Variants in HIVEP2 observed in about 807,000 individuals in gnomAD.
HIVEP2 encodes the protein HIVEP zinc finger 2, also known as transcription factor HIVEP2.
HIVEP2 carries 14 observed loss-of-function variants against 180.7 expected under a neutral mutation model. The ratio of observed to expected loss-of-function variants is 0.08; its 90% CI spans 0.05 to 0.12. The LOEUF is 0.12. HIVEP2 is among the 10% of genes least tolerant of loss of function. The pLI, the probability that HIVEP2 is intolerant of heterozygous loss-of-function variation, is 1.00. For missense variants in HIVEP2, 2,579 were observed against 3,008.5 expected (o/e 0.86, Z 3.34); for synonymous variants, 1,184 against 1,136.4 (o/e 1.04, Z -0.84).
intron 1 of HIVEP2, among the ~76,000 whole-genome samples, chr6:142,872,132 T>C (rs1306794962): frequency 1.3e-5 from 2 of 152,134 alleles, no homozygotes; most frequent in African/African-American, 4.8e-5. Flanking sequence ...TCAGTAACAA[T>C]GGGGACACTG....
At chr6:142,939,374 C>A (rs1778123201) in intron 1 of HIVEP2, among the ~76,000 whole-genome samples, 1 of 151,946 alleles carries the variant, frequency 6.6e-6, no homozygotes, top group Admixed American at 6.6e-5. Flanking sequence ...GAAACACACA[C>A]TTTATAGCAT....
chr6:142,911,533 T>C (rs560578807), intron 1 of HIVEP2, among the ~76,000 whole-genome samples: 1 of 152,324 alleles, frequency 6.6e-6, no homozygotes, highest in Non-Finnish European at 1.5e-5. Flanking sequence ...GAGGAGGTAT[T>C]GTTATCCCCA....
rs1459161244 is a variant in HIVEP2 at position 142,753,611 on chromosome 6, A to G, written c.6837T>C (p.Ser2279=). The change falls in exon 10 of 10, where the codon TCT becomes TCC. Residue 2279 remains serine, a synonymous_variant. Transcript: ENST00000367603. ...GAGGACCTCGCTTCTCATGCTGCTT[A>G]GAAAGCACATAGGGGTCCTTGGAGA... is the stretch of plus-strand genomic sequence containing the variant. ...ESFSKDPYVL[S]KQHEKRGPHA... 6.2e-6 allele frequency: 10 copies of G among 1,614,194 alleles called. No homozygotes were observed. Among genetic ancestry groups the G allele is most frequent in the Non-Finnish European group, 7.6e-6 (9 of 1,180,024 alleles).
At chr6:142,884,843 G>C (rs1284707618) in intron 1 of HIVEP2, among the ~76,000 whole-genome samples, 1 of 152,124 alleles carries the variant, frequency 6.6e-6, no homozygotes, top group Non-Finnish European at 1.5e-5. Flanking sequence ...GCAAGACAAT[G>C]AGAAAACATT....
chr6:142,776,645 C>T (rs769377731), intron 3 of HIVEP2, among the ~76,000 whole-genome samples: 3 of 152,020 alleles, frequency 2.0e-5, no homozygotes, highest in Non-Finnish European at 4.4e-5. Flanking sequence ...GATCCTCCCA[C>T]CTCAGGCTCC....
In HIVEP2 at chr6:142,769,911, G is replaced by A. The variant is rs1443329539; in HGVS notation, c.4828C>T (p.Arg1610Cys). The change falls in exon 5 of 10, where the codon CGC becomes TGC. Residue 1610 changes from arginine to cysteine, a missense_variant. Arg to Cys is a radical substitution (Grantham distance 180). This residue lies in a region of HIVEP2 where 349 missense variants were observed against 367.2 expected (regional missense o/e 0.95). Coordinates refer to ENST00000367603, the MANE Select transcript of HIVEP2 (RefSeq NM_006734.4). ...TTCCCGCTGGGGGCAGAGGCCATGCGGACCAGCATGCCAACAGGCCGCTTG... is the reference window on the plus strand; with the variant it reads ...TTCCCGCTGGGGGCAGAGGCCATGCAGACCAGCATGCCAACAGGCCGCTTG... ...GHKRPVGMLV[R>C]MASAPSGNVA... The A allele has an allele frequency of 8.1e-6, 13 of 1,613,908 alleles. No homozygotes were observed. The highest frequency in any genetic ancestry group is 2.7e-5 in the African/African-American group (2 of 74,942).
intron 1 of HIVEP2, among the ~76,000 whole-genome samples, chr6:142,911,791 G>A (rs1777415224): frequency 1.3e-5 from 2 of 152,224 alleles, no homozygotes; most frequent in Non-Finnish European, 2.9e-5. Context: ...TGTCTGTGAT[G>A]CGTATGTGTG....
chr6:142,926,130 C>T (rs1448716323), intron 1 of HIVEP2, among the ~76,000 whole-genome samples: 2 of 152,180 alleles, frequency 1.3e-5, no homozygotes, highest in Non-Finnish European at 2.9e-5. Flanking sequence ...CAAATTTAAA[C>T]TTTTTTTAAA....
rs373116549 is a variant in HIVEP2, at chr6:142,774,214, C to T, written c.525G>A (p.Glu175=). The T allele has an allele frequency of 4.3e-5, 70 of 1,614,120 alleles. No homozygotes were observed. The East Asian group carries it at 1.4e-3, about 33-fold the overall frequency. ...TGGGTTTGTGCTCTTTCTTGTGAGCCTCTTCTGCCTGTTCAATACTTTTCT... is the reference window on the plus strand; with the variant it reads ...TGGGTTTGTGCTCTTTCTTGTGAGCTTCTTCTGCCTGTTCAATACTTTTCT... The part of the protein sequence containing the change: ...YSQKSIEQAE[E]AHKKEHKPKK... Residue 175 remains glutamate (E), a synonymous_variant, in exon 5 of 10, where the codon GAG becomes GAA. Coordinates refer to ENST00000367603, the MANE Select transcript of HIVEP2 (RefSeq NM_006734.4). The surrounding 1 kb of genome is among the most constrained non-coding windows in gnomAD (Gnocchi z 5.1).
chr6:142,899,267 T>C (rs1157912487), intron 1 of HIVEP2, among the ~76,000 whole-genome samples: 2 of 152,198 alleles, frequency 1.3e-5, no homozygotes, highest in African/African-American at 2.4e-5. Flanking sequence ...TTTCCCATGC[T>C]GTCAACCAGG....
chr6:142,793,909 T>G (rs909944393), intron 2 of HIVEP2: 1 of 152,022 alleles, frequency 6.6e-6, no homozygotes, highest in South Asian at 2.1e-4. Context: ...TTAAGCGATC[T>G]GCCTGCCTTG....
chr6:142,804,534 G>A (rs889231481), intron 2 of HIVEP2, among the ~76,000 whole-genome samples: 1 of 151,708 alleles, frequency 6.6e-6, no homozygotes, highest in Non-Finnish European at 1.5e-5. Flanking sequence ...GCCTTTATGT[G>A]AATCAAATTG....
intron 2 of HIVEP2, among the ~76,000 whole-genome samples, chr6:142,813,741 T>C (rs539539678): frequency 1.1e-3 from 174 of 151,904 alleles, no homozygotes; most frequent in African/African-American, 4.1e-3. Context: ...GAATTTTTTA[T>C]TTTTTTGTAG....
intron 1 of HIVEP2, among the ~76,000 whole-genome samples, chr6:142,882,293 G>A (rs753662361): frequency 6.6e-6 from 1 of 152,064 alleles, no homozygotes; most frequent in African/African-American, 2.4e-5. Context: ...CTTCAATACC[G>A]ATAACTCACT....
chr6:142,871,891 C>T (rs1776297730), intron 1 of HIVEP2, among the ~76,000 whole-genome samples: 1 of 152,130 alleles, frequency 6.6e-6, no homozygotes, highest in Non-Finnish European at 1.5e-5. Flanking sequence ...TGAAATGCAA[C>T]TTTGAGCAAA....
intron 1 of HIVEP2, among the ~76,000 whole-genome samples, chr6:142,913,518 C>A (rs1400228302): frequency 6.6e-6 from 1 of 152,232 alleles, no homozygotes; most frequent in Non-Finnish European, 1.5e-5. Context: ...AACTAAGTAT[C>A]TAATTGCCAT....
chr6:142,814,398 T>C (rs1248405515), intron 2 of HIVEP2, among the ~76,000 whole-genome samples: 1 of 152,048 alleles, frequency 6.6e-6, no homozygotes, highest in Non-Finnish European at 1.5e-5. Context: ...GTGTGGAGAA[T>C]GGTGGGGAGT....
intron 2 of HIVEP2, among the ~76,000 whole-genome samples, chr6:142,807,707 A>G (rs1243186864): frequency 6.6e-6 from 1 of 152,172 alleles, no homozygotes; most frequent in Non-Finnish European, 1.5e-5. Context: ...CCCAGGAGAC[A>G]AAACCTTTGC....
At chr6:142,802,052 C>T (rs1776426612) in intron 2 of HIVEP2, among the ~76,000 whole-genome samples, 1 of 152,066 alleles carries the variant, frequency 6.6e-6, no homozygotes, top group Non-Finnish European at 1.5e-5. Context: ...AATATACTAC[C>T]AGCTGCTGTA....
Sources: gnomAD v4.1 joint callset for allele counts (sites outside exome capture counted in the v4.1 genomes callset) on GRCh38, gnomAD v4.1.1 for gene constraint, gnomAD v4.1.1 regional missense constraint, Gnocchi (gnomAD v3.1) non-coding constraint, MANE v1.5 for transcripts, NCBI Gene and HGNC (gene_info 2026-07-23, HGNC 2026-07-21) for gene names.